The following RANBP2 variants were observed in gnomAD, a reference collection of about 807,000 sequenced individuals.
RANBP2 encodes E3 SUMO-protein ligase RanBP2.
Under a neutral mutation model 303.6 loss-of-function variants are expected in RANBP2, and 57 were observed. The ratio of observed to expected loss-of-function variants is 0.19; its 90% CI spans 0.15 to 0.23. RANBP2 has a LOEUF of 0.23. Ranked by LOEUF, RANBP2 falls within the 10% of genes least tolerant of loss-of-function variation. The probability of loss-of-function intolerance (pLI) is 1.00; values close to 1 mark genes in which losing one functional copy is unlikely to be tolerated. For missense variants in RANBP2, 3,138 were observed against 3,780.8 expected, an observed-to-expected ratio of 0.83 and a Z score of 4.46; for synonymous variants, 1,167 against 1,301.5, an observed-to-expected ratio of 0.90 and a Z score of 2.23.
At chr2:109,006,200 T>C in the RANBP2 span, among the ~76,000 whole-genome samples, 1 of 152,148 alleles carries the variant, frequency 6.6e-6, no homozygotes, top group Middle Eastern at 3.4e-3. Flanking sequence ...CTTTTTCTTT[T>C]TTTTTAATTT....
intron 8 of RANBP2, among the ~76,000 whole-genome samples, chr2:108,747,174 G>C (rs1439622375): frequency 6.6e-6 from 1 of 152,212 alleles, no homozygotes; most frequent in Admixed American, 6.5e-5. Flanking sequence ...ATACGGATCT[G>C]TCTTAAAGAG....
the RANBP2 span, among the ~76,000 whole-genome samples, chr2:109,668,412 T>C: frequency 6.6e-6 from 1 of 152,194 alleles, no homozygotes; most frequent in Non-Finnish European, 1.5e-5. Context: ...CCTCAAAGCA[T>C]ATATACTTGG....
At chr2:109,580,695 T>C in the RANBP2 span, among the ~76,000 whole-genome samples, 1 of 152,176 alleles carries the variant, frequency 6.6e-6, no homozygotes, top group East Asian at 1.9e-4. Context: ...TCTTCTCACC[T>C]TAAATAACTA....
intron 1 of RANBP2, among the ~76,000 whole-genome samples, chr2:108,728,421 G>A (rs1016118824): frequency 3.3e-5 from 5 of 152,086 alleles, no homozygotes; most frequent in African/African-American, 1.2e-4. Flanking sequence ...GGCCTCCTGA[G>A]TAGCTAGGAA....
At chr2:109,146,881 T>TCCCC in the RANBP2 span, among the ~76,000 whole-genome samples, 3 of 7,808 alleles carry the variant, frequency 3.8e-4, no homozygotes, top group Admixed American at 1.7e-3. Context: ...TCTTCTTTTT[T>TCCCC]CCCTCCCCCC....
At chr2:109,065,874 T>C in the RANBP2 span, among the ~76,000 whole-genome samples, 1 of 152,144 alleles carries the variant, frequency 6.6e-6, no homozygotes, top group Non-Finnish European at 1.5e-5. Flanking sequence ...TGAGGTGATG[T>C]AGGCCCTTTC....
At chr2:109,260,343 C>A in the RANBP2 span, among the ~76,000 whole-genome samples, 1 of 152,154 alleles carries the variant, frequency 6.6e-6, no homozygotes, top group Non-Finnish European at 1.5e-5. Flanking sequence ...GTGAGGGAGA[C>A]CTGTGACCCG....
At chr2:108,901,290 A>G in the RANBP2 span, among the ~76,000 whole-genome samples, 1 of 152,238 alleles carries the variant, frequency 6.6e-6, no homozygotes, top group Non-Finnish European at 1.5e-5. Flanking sequence ...AATGAAAATA[A>G]AAATACAAGA....
Position 108,765,303 on chromosome 2 carries a change from T to C in RANBP2, c.4764T>C (p.Thr1588=). Residue 1588 remains threonine, a synonymous_variant, in exon 20 of 29, where the codon ACT becomes ACC. Coordinates refer to ENST00000283195, the MANE Select transcript of RANBP2 (RefSeq NM_006267.5). The part of the protein sequence containing the change: ...VPAPASFKFG[T]SETSKAPKSG... ...CTCCTGCCTCTTTTAAGTTTGGTACTTCAGAGACAAGCAAGGCTCCAAAGA... is the reference window on the plus strand; with the variant it reads ...CTCCTGCCTCTTTTAAGTTTGGTACCTCAGAGACAAGCAAGGCTCCAAAGA... 1 of 1,614,090 alleles carries C rather than the reference T, an allele frequency of 6.2e-7. No individual in the cohort carries two copies. The highest frequency in any genetic ancestry group is 8.5e-7 in the Non-Finnish European group (1 of 1,179,952).
chr2:108,835,993 C>T, the RANBP2 span, among the ~76,000 whole-genome samples: 4 of 152,304 alleles, frequency 2.6e-5, no homozygotes, highest in South Asian at 2.1e-4. Flanking sequence ...CAGTCCCACA[C>T]GCCTTTATTA....
At chr2:109,508,017 T>C in the RANBP2 span, among the ~76,000 whole-genome samples, 1 of 152,138 alleles carries the variant, frequency 6.6e-6, no homozygotes, top group African/African-American at 2.4e-5. Context: ...TGGGTCCAGG[T>C]GCTCACATGA....
the RANBP2 span, among the ~76,000 whole-genome samples, chr2:109,254,875 G>A: frequency 1.3e-5 from 2 of 152,166 alleles, no homozygotes; most frequent in Non-Finnish European, 1.5e-5. Context: ...GAATTCTCAC[G>A]GGTGGGCTCA....
At chr2:109,279,166 T>G in the RANBP2 span, among the ~76,000 whole-genome samples, 1 of 152,160 alleles carries the variant, frequency 6.6e-6, no homozygotes, top group Non-Finnish European at 1.5e-5. Flanking sequence ...AGAGCTGTGG[T>G]CCGGATTCCA....
At chr2:109,251,195 G>T in the RANBP2 span, among the ~76,000 whole-genome samples, 3 of 151,952 alleles carry the variant, frequency 2.0e-5, no homozygotes, top group African/African-American at 4.8e-5. Flanking sequence ...TAGAGATGGG[G>T]TTTCACCATG....
the RANBP2 span, among the ~76,000 whole-genome samples, chr2:109,271,511 A>G: frequency 1.6e-3 from 244 of 152,374 alleles, 2 homozygotes; most frequent in African/African-American, 5.3e-3. Flanking sequence ...GTCAGCCAAC[A>G]TGACAGCAGT....
At chr2:109,604,860 G>A in the RANBP2 span, 10 of 152,196 alleles carry the variant, frequency 6.6e-5, no homozygotes, top group African/African-American at 1.9e-4. Flanking sequence ...CAGCAGAAAA[G>A]GTGAGGCTGC....
chr2:109,710,345 G>A, the RANBP2 span, among the ~76,000 whole-genome samples: 2 of 149,090 alleles, frequency 1.3e-5, no homozygotes, highest in Admixed American at 1.3e-4. Flanking sequence ...TAACGCCATT[G>A]CACTCCAGCC....
the RANBP2 span, chr2:108,895,514 T>C: frequency 6.6e-6 from 1 of 152,354 alleles, no homozygotes; most frequent in South Asian, 2.1e-4. Flanking sequence ...TGTCAAACCA[T>C]TGCAGTTATT....
the RANBP2 span, among the ~76,000 whole-genome samples, chr2:109,184,795 CAAG>C: frequency 6.6e-6 from 1 of 152,156 alleles, no homozygotes. Context: ...GTGCCACATA[CAAG>C]AAAGTATTTG....
Sources: allele counts gnomAD v4.1 joint callset (sites outside exome capture counted in the v4.1 genomes callset), GRCh38; gene constraint gnomAD v4.1.1; transcripts MANE v1.5; gene names NCBI Gene and HGNC (gene_info 2026-07-23, HGNC 2026-07-21).